MAGI2: variants seen among roughly 807,000 people sequenced by gnomAD.
MAGI2 encodes membrane associated guanylate kinase, WW and PDZ domain containing 2, also known as membrane-associated guanylate kinase, WW and PDZ domain-containing protein 2.
Under a neutral mutation model 133.3 loss-of-function variants are expected in MAGI2, and 35 were observed. The observed-to-expected ratio is 0.26, with a 90% confidence interval of 0.20 to 0.35. The LOEUF (loss-of-function observed/expected upper bound fraction) is 0.35. Among genes scored for constraint, MAGI2 ranks in the 10% least tolerant of loss-of-function variants. The probability of loss-of-function intolerance (pLI) is 1.00; values close to 1 mark genes in which losing one functional copy is unlikely to be tolerated. For missense variants in MAGI2, 1,636 were observed against 1,863.4 expected (o/e 0.88, Z 2.25); for synonymous variants, 729 against 710.6 (o/e 1.03, Z -0.41).
At chr7:78,273,580 CGTAGATTTGGTCTTTTCACAT>C (rs1436352649) in intron 9 of MAGI2, among the ~76,000 whole-genome samples, 2 of 152,146 alleles carry the variant, frequency 1.3e-5, no homozygotes, top group Non-Finnish European at 2.9e-5. Flanking sequence ...ACCAATCACA[CGTAGATTTGGTCTTTTCACAT>C]AGTTCCATAT....
chr7:78,909,173 C>T (rs1398801883), intron 2 of MAGI2, among the ~76,000 whole-genome samples: 2 of 150,824 alleles, frequency 1.3e-5, no homozygotes, highest in African/African-American at 2.4e-5. Context: ...AGACACTTCT[C>T]AAAAGAAGAC....
chr7:78,585,687 G>T (rs114079160), intron 3 of MAGI2, among the ~76,000 whole-genome samples: 2,380 of 152,270 alleles, frequency 0.016, 67 homozygotes, highest in African/African-American at 0.052. Context: ...GGGAAGCAAT[G>T]GCAGCATTAT....
rs369851566 is a variant in MAGI2 at position 78,573,273 on chromosome 7, AAT to A, written c.539-51630_539-51629del. 8.5e-3 allele frequency among the ~76,000 whole-genome samples: 439 copies of A among 51,670 alleles called. 15 individuals carry two copies. Among genetic ancestry groups the A allele is most frequent in the African/African-American group, 0.039 (386 of 9,826 alleles). 33.9% of individuals were successfully genotyped at this position (51,670 alleles called of 152,430 possible). ...ATATATATAAATATAAATATATATAAATATATATATTTATATAAATATATATA... is the reference window on the plus strand; with the variant it reads ...ATATATATAAATATAAATATATATAAATATATATTTATATAAATATATATA... On this transcript the variant is annotated intron_variant, in intron 3 of 21. Transcript: ENST00000354212.
At chr7:79,145,792 A>C (rs1216364164) in intron 1 of MAGI2, among the ~76,000 whole-genome samples, 2 of 152,212 alleles carry the variant, frequency 1.3e-5, no homozygotes, top group Non-Finnish European at 2.9e-5. Flanking sequence ...TTCTCTAACC[A>C]AGGCTGATGC....
chr7:78,936,909 A>C (rs1427959676), intron 2 of MAGI2, among the ~76,000 whole-genome samples: 1 of 152,058 alleles, frequency 6.6e-6, no homozygotes, highest in Non-Finnish European at 1.5e-5. Context: ...TGCCTGCTTG[A>C]GTATACATAC....
intron 2 of MAGI2, among the ~76,000 whole-genome samples, chr7:78,766,186 G>T (rs112642709): frequency 1.3e-5 from 2 of 152,138 alleles, no homozygotes; most frequent in Non-Finnish European, 2.9e-5. Context: ...TGCTTTTGTG[G>T]AAAGTGCTTG....
intron 1 of MAGI2, among the ~76,000 whole-genome samples, chr7:79,161,263 A>T (rs1168593798): frequency 1.3e-5 from 2 of 152,038 alleles, no homozygotes; most frequent in African/African-American, 2.4e-5. Context: ...AACTGAACAC[A>T]CTAAATGGGA....
intron 2 of MAGI2, among the ~76,000 whole-genome samples, chr7:78,669,771 T>C (rs1369995568): frequency 2.0e-5 from 3 of 152,134 alleles, no homozygotes; most frequent in South Asian, 2.1e-4. Context: ...GTTCAATATA[T>C]GCAAATCAAT....
chr7:79,344,511 G>A (rs1177936723), intron 1 of MAGI2, among the ~76,000 whole-genome samples: 1 of 152,018 alleles, frequency 6.6e-6, no homozygotes, highest in Non-Finnish European at 1.5e-5. Context: ...ATTTCAGTCA[G>A]GTTTACAGGC....
intron 6 of MAGI2, among the ~76,000 whole-genome samples, chr7:78,369,852 T>C (rs996708870): frequency 6.6e-6 from 1 of 151,686 alleles, no homozygotes; most frequent in Non-Finnish European, 1.5e-5. Context: ...ACACACACAT[T>C]AAAAAAAATC....
chr7:79,372,714 C>T (rs1843124305), intron 1 of MAGI2, among the ~76,000 whole-genome samples: 2 of 152,048 alleles, frequency 1.3e-5, no homozygotes, highest in South Asian at 4.1e-4. Flanking sequence ...CTTCACTTTA[C>T]TTCCCGCACC....
At chr7:78,638,154 A>C (rs559603696) in intron 2 of MAGI2, among the ~76,000 whole-genome samples, 44 of 152,302 alleles carry the variant, frequency 2.9e-4, no homozygotes, top group African/African-American at 9.9e-4. Flanking sequence ...GCAAGAAAGA[A>C]AGACAATGTC....
intron 1 of MAGI2, among the ~76,000 whole-genome samples, chr7:79,034,811 T>C (rs1433593215): frequency 1.3e-5 from 2 of 152,156 alleles, no homozygotes; most frequent in African/African-American, 4.8e-5. Flanking sequence ...GCTTCAGCAG[T>C]ACTTTCAAAT....
At chr7:78,878,673 A>G (rs1306296411) in intron 2 of MAGI2, among the ~76,000 whole-genome samples, 1 of 152,208 alleles carries the variant, frequency 6.6e-6, no homozygotes, top group Non-Finnish European at 1.5e-5. Flanking sequence ...TAATGCCATG[A>G]TTATAAGTCT....
At chr7:79,084,592 C>T (rs1415216556) in intron 1 of MAGI2, among the ~76,000 whole-genome samples, 1 of 151,606 alleles carries the variant, frequency 6.6e-6, no homozygotes, top group Admixed American at 6.6e-5. Flanking sequence ...TTCCATGTGC[C>T]CTGCAAAGAA....
intron 1 of MAGI2, among the ~76,000 whole-genome samples, chr7:79,244,663 T>A (rs921119779): frequency 1.3e-5 from 2 of 152,120 alleles, no homozygotes; most frequent in Non-Finnish European, 2.9e-5. Context: ...CTAAATAAAC[T>A]TGTAAGGCAG....
intron 2 of MAGI2, among the ~76,000 whole-genome samples, chr7:78,707,170 T>A (rs1372225548): frequency 6.6e-6 from 1 of 152,022 alleles, no homozygotes; most frequent in Non-Finnish European, 1.5e-5. Flanking sequence ...TGTTAGTGAA[T>A]AAGATATCAA....
At chr7:78,646,748 G>A (rs1810935883) in intron 2 of MAGI2, among the ~76,000 whole-genome samples, 1 of 152,204 alleles carries the variant, frequency 6.6e-6, no homozygotes, top group South Asian at 2.1e-4. Context: ...ACTGCTACCT[G>A]AATGAAAATT....
At chr7:78,545,409 C>T (rs763364718) in intron 3 of MAGI2, among the ~76,000 whole-genome samples, 50 of 151,868 alleles carry the variant, frequency 3.3e-4, no homozygotes, top group African/African-American at 1.2e-3. Flanking sequence ...GAAGGGGATT[C>T]GCCATGTTGG....
Sources: gnomAD v4.1 joint callset for allele counts (sites outside exome capture counted in the v4.1 genomes callset) on GRCh38, gnomAD v4.1.1 for gene constraint, MANE v1.5 for transcripts, NCBI Gene and HGNC (gene_info 2026-07-23, HGNC 2026-07-21) for gene names.